The following TULP4 variants were observed in gnomAD, a reference collection of about 807,000 sequenced individuals.
The protein encoded by TULP4 is TUB like protein 4.
Under a neutral mutation model 129.0 loss-of-function variants are expected in TULP4, and 16 were observed. The ratio of observed to expected loss-of-function variants is 0.12; its 90% CI spans 0.08 to 0.19. The LOEUF is 0.19. TULP4 is among the 10% of genes least tolerant of loss of function. TULP4 has a pLI of 1.00. For synonymous variants in TULP4, 998 were observed against 854.0 expected, an observed-to-expected ratio of 1.17 and a Z score of -2.94; for missense variants, 1,842 against 2,059.1, an observed-to-expected ratio of 0.89 and a Z score of 2.04.
At chr6:158,423,153 A>G (rs975967305) in intron 2 of TULP4, among the ~76,000 whole-genome samples, 1 of 147,156 alleles carries the variant, frequency 6.8e-6, no homozygotes, top group Non-Finnish European at 1.5e-5. Flanking sequence ...CCTTCCCAGG[A>G]CCCCTTTTCC....
At chr6:158,366,604 C>T (rs1335825320) in intron 1 of TULP4, among the ~76,000 whole-genome samples, 1 of 152,202 alleles carries the variant, frequency 6.6e-6, no homozygotes, top group Non-Finnish European at 1.5e-5. Context: ...CCTTTGGCCT[C>T]TTCCTGTTTC....
chr6:158,370,297 A>C (rs1251575606), intron 1 of TULP4, among the ~76,000 whole-genome samples: 1 of 151,750 alleles, frequency 6.6e-6, no homozygotes, highest in Admixed American at 6.6e-5. Flanking sequence ...TCTCTACTAA[A>C]AATACAAAAA....
intron 1 of TULP4, among the ~76,000 whole-genome samples, chr6:158,365,541 A>G (rs1194346382): frequency 6.8e-6 from 1 of 146,788 alleles, no homozygotes; most frequent in Non-Finnish European, 1.5e-5. Context: ...CAGTGGTGCG[A>G]TCTCAGCTCA....
At position 158,350,617 on chromosome 6, in the gene TULP4, C is replaced by T. The variant is rs532723889; in HGVS notation, c.252+36349C>T. ...GCATGTGCCTGGAATCCCAGGCACT[C>T]GGCAGGCCGAGGCAGGAGAATCACG... On this transcript the variant is annotated intron_variant, in intron 1 of 13. Coordinates refer to ENST00000367097, the MANE Select transcript of TULP4 (RefSeq NM_020245.5). Among the ~76,000 whole-genome samples the T allele has an allele frequency of 3.6e-4, 54 of 152,106 alleles. No individual in the cohort carries two copies. The Middle Eastern group carries it at 0.014, about 38-fold the overall frequency.
chr6:158,315,081 A>T (rs1293112339), intron 1 of TULP4, among the ~76,000 whole-genome samples: 3 of 152,204 alleles, frequency 2.0e-5, no homozygotes, highest in Non-Finnish European at 4.4e-5. Context: ...GGAATCCATG[A>T]CTATTTCAGG....
chr6:158,244,421 C>T (rs79716439), intron 1 of TULP4, among the ~76,000 whole-genome samples: 3,213 of 152,276 alleles, frequency 0.021, 47 homozygotes, highest in Middle Eastern at 0.031. Context: ...CCCCTACCCC[C>T]GTTCATATGT....
At position 158,450,823 on chromosome 6, in the gene TULP4, G is replaced by A. The variant is rs138047869; in HGVS notation, c.725-1311G>A. 3.5e-3 allele frequency among the ~76,000 whole-genome samples: 537 copies of A among 152,100 alleles called. 1 individual carries two copies. Among genetic ancestry groups the A allele is most frequent in the African/African-American group, 0.012 (484 of 41,486 alleles). On this transcript the variant is annotated intron_variant, in intron 4 of 13. Transcript: ENST00000367097. ...TGTAATCCTAGCACTTTGGGAGGCC[G>A]AGGCGGGTGGATCATGAGGTCAGGA...
intron 1 of TULP4, among the ~76,000 whole-genome samples, chr6:158,291,173 T>C (rs1276538948): frequency 1.3e-5 from 2 of 152,250 alleles, no homozygotes; most frequent in African/African-American, 4.8e-5. Context: ...CGTTGTTTCT[T>C]AGACCTTCCT....
intron 1 of TULP4, among the ~76,000 whole-genome samples, chr6:158,388,275 A>G (rs1255872620): frequency 6.6e-6 from 1 of 150,474 alleles, no homozygotes; most frequent in Non-Finnish European, 1.5e-5. Flanking sequence ...TGGTAATAAA[A>G]TTGAACTTAC....
chr6:158,330,842 C>T (rs1779862240), intron 1 of TULP4, among the ~76,000 whole-genome samples: 1 of 152,124 alleles, frequency 6.6e-6, no homozygotes, highest in Admixed American at 6.5e-5. Context: ...ATGACATTGA[C>T]CTTTTAGAAG....
At chr6:158,332,177 AAAAAAAAAAAAAAAAAAAAAAAAATATAT>A (rs1246155802) in intron 1 of TULP4, among the ~76,000 whole-genome samples, 5 of 61,492 alleles carry the variant, frequency 8.1e-5, no homozygotes, top group African/African-American at 4.7e-4. Context: ...GTCAAAAAAA[AAAAAAAAAAAAAAAAAAAAAAAAATATAT>A]ATATATATAT....
intron 1 of TULP4, among the ~76,000 whole-genome samples, chr6:158,233,643 G>A (rs1671771952): frequency 6.6e-6 from 1 of 152,226 alleles, no homozygotes; most frequent in Non-Finnish European, 1.5e-5. Flanking sequence ...ATCCAGAGAG[G>A]CCATGGGCAC....
chr6:158,471,207 C>T (rs563436602), intron 6 of TULP4, among the ~76,000 whole-genome samples: 1 of 122,396 alleles, frequency 8.2e-6, no homozygotes, highest in African/African-American at 4.0e-5. Context: ...TGCCTGTCTT[C>T]TCAATAAGCT....
intron 1 of TULP4, among the ~76,000 whole-genome samples, chr6:158,329,055 G>T (rs1258765821): frequency 1.3e-5 from 2 of 152,230 alleles, no homozygotes; most frequent in East Asian, 1.9e-4. Context: ...GGTGTTTCCA[G>T]TTGGGTCCAC....
intron 1 of TULP4, among the ~76,000 whole-genome samples, chr6:158,364,865 T>A (rs12202195): frequency 4.5e-4 from 68 of 152,056 alleles, no homozygotes; most frequent in African/African-American, 1.3e-3. Context: ...GCCTTCCGAG[T>A]TGTGGGACTA....
intron 1 of TULP4, among the ~76,000 whole-genome samples, chr6:158,394,786 C>CAAAAA (rs71030166): frequency 0.019 from 873 of 46,004 alleles, 189 homozygotes; most frequent in East Asian, 0.075. Flanking sequence ...GGCTCTGTCT[C>CAAAAA]AAAAAAAAAA....
upstream of TULP4, among the ~76,000 whole-genome samples, chr6:158,311,398 G>C (rs1030084726): frequency 6.6e-6 from 1 of 152,176 alleles, no homozygotes; most frequent in Non-Finnish European, 1.5e-5. Flanking sequence ...GTTAGGGACA[G>C]AGTGTTCTCG....
rs531475632 is a variant in TULP4, at chr6:158,245,557, G to A, written n.68+13254G>A. On this transcript the variant is annotated intron_variant and non_coding_transcript_variant, in intron 1 of 1. Transcript: ENST00000620026. ...TGTTAGATATCACAATGCAAAGTGT[G>A]CATAGCCTTCTACCCAGAAAGTCCA... 2.6e-5 allele frequency among the ~76,000 whole-genome samples: 4 copies of A among 152,098 alleles called. No individual in the cohort carries two copies. The East Asian group carries it at 7.7e-4, about 29-fold the overall frequency.
In TULP4 at chr6:158,237,698, C is replaced by G. The variant is rs1777741797; in HGVS notation, n.68+5395C>G. On this transcript the variant is annotated intron_variant and non_coding_transcript_variant, in intron 1 of 1. Coordinates refer to the TULP4 transcript ENST00000620026. ...CCCTTCTTTTTCTTTTTCAAATCTC[C>G]CTTTCCTTGTTCCTTTGGTTGACTA... The G allele has an allele frequency of 2.9e-6, 3 of 1,038,002 alleles. No homozygotes were observed. The African/African-American group carries it at 4.7e-5, about 16-fold the overall frequency. 64.3% of individuals were successfully genotyped at this position (1,038,002 alleles called of 1,614,324 possible). A position where few individuals can be genotyped will look rare whatever the true frequency, so the allele number is the denominator to read the frequency against.
Sources: gnomAD v4.1 joint callset for allele counts (sites outside exome capture counted in the v4.1 genomes callset) on GRCh38, gnomAD v4.1.1 for gene constraint, MANE v1.5 for transcripts, NCBI Gene and HGNC (gene_info 2026-07-23, HGNC 2026-07-21) for gene names.